The following TTF1 variants were observed in gnomAD, a reference collection of about 807,000 sequenced individuals.
TTF1 encodes the protein transcription termination factor, RNA polymerase I.
A neutral mutation model predicts 80.2 loss-of-function variants in TTF1; 64 were observed. The ratio of observed to expected loss-of-function variants is 0.80; its 90% CI spans 0.65 to 0.98. TTF1 has a LOEUF of 0.98. Among genes scored for constraint, TTF1 ranks in the 50% least tolerant of loss-of-function variants. TTF1 has a pLI of 0.00. For synonymous variants in TTF1, 372 were observed against 382.7 expected (o/e 0.97, Z 0.33); for missense variants, 1,023 against 1,086.2 (o/e 0.94, Z 0.82).
chr9:132,396,126 T>A (rs1019031438), intron 5 of TTF1, among the ~76,000 whole-genome samples: 2 of 152,086 alleles, frequency 1.3e-5, no homozygotes, highest in Non-Finnish European at 2.9e-5. Context: ...ACAAGGAGCT[T>A]ATGACGTAAG....
At chr9:132,387,478 G>A (rs1849489606) in intron 8 of TTF1, among the ~76,000 whole-genome samples, 1 of 151,968 alleles carries the variant, frequency 6.6e-6, no homozygotes, top group African/African-American at 2.4e-5. Context: ...ACCACCCCCC[G>A]ATCCACCCCT....
intron 9 of TTF1, among the ~76,000 whole-genome samples, chr9:132,383,086 AT>A (rs747509919): frequency 6.7e-6 from 1 of 150,036 alleles, no homozygotes; most frequent in South Asian, 2.1e-4. Context: ...AAATTAACTA[AT>A]TAAAAAAAAA....
chr9:132,401,046 AAGGGTAGG>A (rs1253289749), intron 2 of TTF1, among the ~76,000 whole-genome samples: 7 of 152,156 alleles, frequency 4.6e-5, no homozygotes, highest in African/African-American at 1.7e-4. Context: ...TGTATGTGCT[AAGGGTAGG>A]CACGGTGGTT....
Position 132,401,950 on chromosome 9 carries a change from A to G in TTF1, c.872T>C (p.Leu291Ser), listed in dbSNP as rs1337681719. The change falls in exon 2 of 11, where the codon TTG (leucine) becomes TCG (serine). Residue 291 changes from leucine (L) to serine (S), a missense_variant. Coordinates refer to ENST00000334270, the MANE Select transcript of TTF1 (RefSeq NM_007344.4). The part of the protein sequence containing the change: ...KKSNHQEFEA[L>S]AMPEGSQVGS... ...CACTTGTGATCCTTCAGGCATGGCC[A>G]ATGCCTCAAATTCCTGGTGATTGGA... is the stretch of plus-strand genomic sequence containing the variant. The G allele has an allele frequency of 2.5e-6, 4 of 1,612,264 alleles. No homozygotes were observed. Among genetic ancestry groups the G allele is most frequent in the African/African-American group, 2.7e-5 (2 of 74,966 alleles).
At chr9:132,401,155 C>T (rs977645952) in intron 2 of TTF1, among the ~76,000 whole-genome samples, 13 of 152,144 alleles carry the variant, frequency 8.5e-5, no homozygotes, top group East Asian at 3.9e-4. Context: ...CAAGGACAAA[C>T]GTCGTCTCTA....
At position 132,402,306 on chromosome 9, in the gene TTF1, C is replaced by G; in HGVS notation, c.516G>C (p.Gln172His). The G allele has an allele frequency of 6.2e-7, 1 of 1,614,118 alleles. No homozygotes were observed. The highest frequency in any genetic ancestry group is 8.5e-7 in the Non-Finnish European group (1 of 1,180,012). ...KVREKKNKKH[Q>H]RKAASWESQR... Reference sequence around the variant, plus strand: ...GGCTCTCCCAGGATGCAGCTTTCCTCTGATGCTTTTTATTCTTTTTCTCCC... The same window carrying G: ...GGCTCTCCCAGGATGCAGCTTTCCTGTGATGCTTTTTATTCTTTTTCTCCC... The change falls in exon 2 of 11, where the codon CAG (glutamine) becomes CAC (histidine). Residue 172 changes from glutamine (Q) to histidine (H), a missense_variant. Transcript: ENST00000334270.
chr9:132,387,186 TG>T (rs978952831), intron 8 of TTF1, among the ~76,000 whole-genome samples: 1 of 152,196 alleles, frequency 6.6e-6, no homozygotes, highest in African/African-American at 2.4e-5. Context: ...CTCAAACTCC[TG>T]GGCTCCTCCT....
At chr9:132,386,913 A>T (rs1849478017) in intron 8 of TTF1, among the ~76,000 whole-genome samples, 1 of 151,670 alleles carries the variant, frequency 6.6e-6, no homozygotes, top group Non-Finnish European at 1.5e-5. Flanking sequence ...TCATCATTCA[A>T]CATAGACACA....
Position 132,382,969 on chromosome 9 carries a change from A to G in TTF1, c.2378+3587T>C, listed in dbSNP as rs530091932. 2.0e-5 allele frequency among the ~76,000 whole-genome samples: 3 copies of G among 152,058 alleles called. No homozygotes were observed. The South Asian group carries it at 6.2e-4, about 32-fold the overall frequency. Reference sequence around the variant, plus strand: ...TAATCCCAGCTATTCAGAGGCTGAGACAGGAGAACTGCTTGAACCCGGAAG... The same window carrying G: ...TAATCCCAGCTATTCAGAGGCTGAGGCAGGAGAACTGCTTGAACCCGGAAG... On this transcript the variant is annotated intron_variant, in intron 9 of 10. Coordinates refer to ENST00000334270, the MANE Select transcript of TTF1 (RefSeq NM_007344.4).
Position 132,388,186 on chromosome 9 carries a change from G to T in TTF1, c.2265C>A (p.Ile755=), listed in dbSNP as rs556386. Residue 755 remains isoleucine (I), a synonymous_variant, in exon 8 of 11, where the codon ATC becomes ATA. Transcript: ENST00000334270. ...CCCGCAGGGCATTCATGCCATAGTA[G>T]ATACGCCGACCATTAGTCATCCTCT... ...LTKRMTNGRR[I]YYGMNALRAK... The T allele has an allele frequency of 0.98, 1,579,011 of 1,612,386 alleles. 775,838 individuals are homozygous for T. The highest frequency in any genetic ancestry group is 1 in the Non-Finnish European group (1,173,528 of 1,178,914).
chr9:132,392,866 ACTC>A (rs1849584991), intron 5 of TTF1, among the ~76,000 whole-genome samples: 1 of 152,248 alleles, frequency 6.6e-6, no homozygotes, highest in African/African-American at 2.4e-5. Flanking sequence ...ATTTCATTGA[ACTC>A]AATACATTAA....
chr9:132,396,876 C>T (rs538839730), intron 4 of TTF1, among the ~76,000 whole-genome samples: 1 of 151,958 alleles, frequency 6.6e-6, no homozygotes, highest in African/African-American at 2.4e-5. Flanking sequence ...CTAAATGAAA[C>T]CAGGCTGTTT....
At chr9:132,387,946 C>T (rs1849498301) in intron 8 of TTF1, among the ~76,000 whole-genome samples, 193 bp downstream of exon 8, 1 of 152,238 alleles carries the variant, frequency 6.6e-6, no homozygotes, top group African/African-American at 2.4e-5. Flanking sequence ...CGATTATCGT[C>T]ATCCTCAGTA....
intron 9 of TTF1, among the ~76,000 whole-genome samples, chr9:132,383,068 A>C (rs1849398439): frequency 2.2e-3 from 1 of 464 alleles, no homozygotes; most frequent in Non-Finnish European, 0.015. Flanking sequence ...TCCGTCTCAA[A>C]AAAAAAAAAA....
rs3837295 is a variant in TTF1, at chr9:132,391,481, GA to G, written c.1987+594del. On this transcript the variant is annotated intron_variant, in intron 6 of 10. Transcript: ENST00000334270. ...TAAAAATCAAGAGATTTCCAAAAAA[GA>G]AAAAAAGATAGCTAGAGTTCACAAA... 4.3e-3 allele frequency among the ~76,000 whole-genome samples: 653 copies of G among 150,198 alleles called. 3 individuals carry two copies. The highest frequency in any genetic ancestry group is 0.026 in the East Asian group (134 of 5,134).
Position 132,400,119 on chromosome 9 carries a change from G to A in TTF1, c.1507C>T (p.Pro503Ser). Residue 503 changes from proline to serine, a missense_variant, in exon 3 of 11, where the codon CCT becomes TCT. By Grantham distance (74) the Pro-to-Ser change is moderately conservative (BLOSUM62 -1). Coordinates refer to ENST00000334270, the MANE Select transcript of TTF1 (RefSeq NM_007344.4). ...SAVKQLQEFI[P>S]NIKDRATSTI... is the part of the protein sequence containing the mutation. ...CTGGTGGCCCTGTCCTTGATGTTAG[G>A]AATGAACTCCTGAAGCTGTTTCACG... The A allele has an allele frequency of 6.2e-7, 1 of 1,614,116 alleles. No homozygotes were observed.
rs1310237134 is a variant in TTF1, at chr9:132,375,699, GAA to G, written c.*214_*215del. On this transcript the variant is annotated 3_prime_UTR_variant, in exon 11 of 11. Transcript: ENST00000334270. Reference sequence around the variant, plus strand: ...ATGTATATAAATATAATCAAACTGAGAAAAAGGGACAAGAAATAGTAATCTCT... The same window carrying G: ...ATGTATATAAATATAATCAAACTGAGAAAGGGACAAGAAATAGTAATCTCT... The G allele has an allele frequency of 4.3e-6, 2 of 464,894 alleles. No homozygotes were observed. Among genetic ancestry groups the G allele is most frequent in the African/African-American group, 3.9e-5 (2 of 51,214 alleles). 28.8% of individuals were successfully genotyped at this position (464,894 alleles called of 1,614,324 possible).
Position 132,401,916 on chromosome 9 carries a change from C to G in TTF1, c.906G>C (p.Glu302Asp), listed in dbSNP as rs1490573450. The G allele has an allele frequency of 6.2e-7, 1 of 1,611,096 alleles. No homozygotes were observed. Among genetic ancestry groups the G allele is most frequent in the East Asian group, 2.3e-5 (1 of 44,160 alleles). Residue 302 changes from glutamate to aspartate, a missense_variant, in exon 2 of 11, where the codon GAG becomes GAC. Physicochemically the swap from Glu to Asp is conservative, Grantham distance 45. Coordinates refer to ENST00000334270, the MANE Select transcript of TTF1 (RefSeq NM_007344.4). Reference protein sequence around the residue: ...AMPEGSQVGSEVGADMQESRP... With the variant: ...AMPEGSQVGSDVGADMQESRP... The stretch of plus-strand genomic sequence containing the variant: ...GGGATTCCTGCATATCAGCCCCAAC[C>G]TCACTGCCCACTTGTGATCCTTCAG...
chr9:132,402,905 G>T, intron 1 of TTF1, 77 bp from the exon 2 acceptor site: 2 of 1,401,148 alleles, frequency 1.4e-6, no homozygotes, highest in Non-Finnish European at 1.9e-6. Context: ...GCCCAGGCTG[G>T]AGTGCAGTGG....
Sources: allele counts gnomAD v4.1 joint callset (sites outside exome capture counted in the v4.1 genomes callset), GRCh38; gene constraint gnomAD v4.1.1; transcripts MANE v1.5; gene names NCBI Gene and HGNC (gene_info 2026-07-23, HGNC 2026-07-21).